The following MDGA2 variants were observed in gnomAD, a reference collection of about 807,000 sequenced individuals.
MDGA2 encodes the protein MAM domain-containing glycosylphosphatidylinositol anchor protein 2.
MDGA2 carries 40 observed loss-of-function variants against 117.8 expected under a neutral mutation model. That is an observed-to-expected ratio of 0.34 (90% CI 0.26 to 0.44). The LOEUF (loss-of-function observed/expected upper bound fraction) is 0.44. MDGA2 is among the 20% of genes least tolerant of loss of function. The probability of loss-of-function intolerance (pLI) is 1.00; values close to 1 mark genes in which losing one functional copy is unlikely to be tolerated. For synonymous variants in MDGA2, 452 were observed against 439.0 expected (o/e 1.03, Z -0.37); for missense variants, 1,123 against 1,250.6 (o/e 0.90, Z 1.54).
intron 1 of MDGA2, among the ~76,000 whole-genome samples, chr14:47,387,417 T>C (rs1366552679): frequency 6.6e-6 from 1 of 151,940 alleles, no homozygotes; most frequent in Admixed American, 6.6e-5. Flanking sequence ...CGGATCTTTG[T>C]GGGGAATACA....
intron 3 of MDGA2, among the ~76,000 whole-genome samples, chr14:47,196,160 A>T (rs1206768537): frequency 6.6e-6 from 1 of 152,096 alleles, no homozygotes; most frequent in East Asian, 1.9e-4. Context: ...GTTTTCAGGG[A>T]AAATGGAACT....
intron 1 of MDGA2, among the ~76,000 whole-genome samples, chr14:47,611,711 A>G (rs1896851798): frequency 6.6e-6 from 1 of 152,080 alleles, no homozygotes; most frequent in Non-Finnish European, 1.5e-5. Context: ...AACAGTAGGC[A>G]TTCAGTTCTG....
chr14:47,610,137 C>T (rs1896820890), intron 1 of MDGA2, among the ~76,000 whole-genome samples: 1 of 152,040 alleles, frequency 6.6e-6, no homozygotes, highest in Admixed American at 6.6e-5. Flanking sequence ...GATTAAAACT[C>T]TCAGCAAAAT....
At chr14:47,300,117 A>G (rs1431097278) in intron 2 of MDGA2, among the ~76,000 whole-genome samples, 2 of 152,226 alleles carry the variant, frequency 1.3e-5, no homozygotes, top group Non-Finnish European at 2.9e-5. Flanking sequence ...AGGATCCGTC[A>G]GTAAGAGTTA....
intron 1 of MDGA2, among the ~76,000 whole-genome samples, chr14:47,614,181 C>T (rs1896907358): frequency 6.7e-6 from 1 of 149,808 alleles, no homozygotes; most frequent in Admixed American, 6.7e-5. Context: ...CCTCTGCCTC[C>T]TGGGTTCAGA....
chr14:47,343,519 GCTT>G (rs766270166), intron 1 of MDGA2, among the ~76,000 whole-genome samples: 3 of 151,832 alleles, frequency 2.0e-5, no homozygotes, highest in Non-Finnish European at 4.4e-5. Context: ...TTTCACGATG[GCTT>G]CTTTTTAGCT....
intron 1 of MDGA2, among the ~76,000 whole-genome samples, chr14:47,647,731 T>C (rs1216217458): frequency 1.3e-5 from 2 of 151,570 alleles, no homozygotes; most frequent in Non-Finnish European, 3.0e-5. Context: ...ATGTCCAAAA[T>C]ATATGTGTTT....
Position 47,581,755 on chromosome 14 carries a change from G to A in MDGA2, c.280+92762C>T, listed in dbSNP as rs58970225. On this transcript the variant is annotated intron_variant, in intron 1 of 16. Coordinates refer to ENST00000399232, the MANE Select transcript of MDGA2 (RefSeq NM_001113498.3). Reference sequence around the variant, plus strand: ...ATGGTCCCAAAATGAAAACACAGGCGCAACAACCTGAATTTATGCAGGAAA... The same window carrying A: ...ATGGTCCCAAAATGAAAACACAGGCACAACAACCTGAATTTATGCAGGAAA... Among the ~76,000 whole-genome samples the A allele has an allele frequency of 1.4e-4, 22 of 151,974 alleles. No individual in the cohort carries two copies. The East Asian group carries it at 3.7e-3, about 25-fold the overall frequency.
Position 47,618,322 on chromosome 14 carries a change from A to G in MDGA2, c.280+56195T>C, listed in dbSNP as rs148042993. ...TCAGAATGAAAGATAAGTGAATTCT[A>G]TGAAAGTTGGTAGGCATTGTACCTC... is the stretch of plus-strand genomic sequence containing the variant. On this transcript the variant is annotated intron_variant, in intron 1 of 16. Coordinates refer to ENST00000399232, the MANE Select transcript of MDGA2 (RefSeq NM_001113498.3). 6.4e-4 allele frequency among the ~76,000 whole-genome samples: 98 copies of G among 152,334 alleles called. 4 individuals carry two copies. The highest frequency in any genetic ancestry group is 1.8e-3 in the African/African-American group (75 of 41,574).
intron 8 of MDGA2, among the ~76,000 whole-genome samples, chr14:47,015,207 T>C (rs1888038853): frequency 6.6e-6 from 1 of 151,836 alleles, no homozygotes; most frequent in Non-Finnish European, 1.5e-5. Flanking sequence ...AATAATAATG[T>C]CTAAGATCAC....
At chr14:46,863,004 T>A (rs1180347497) in intron 14 of MDGA2, among the ~76,000 whole-genome samples, 1 of 152,082 alleles carries the variant, frequency 6.6e-6, no homozygotes, top group African/African-American at 2.4e-5. Context: ...GTTTTTAAAT[T>A]ATAGCTTTCC....
chr14:47,016,984 T>A (rs2138563973), intron 8 of MDGA2, among the ~76,000 whole-genome samples: 1 of 152,118 alleles, frequency 6.6e-6, no homozygotes, highest in East Asian at 1.9e-4. Context: ...TTTGTTGTGT[T>A]TCCAGCTTGC....
intron 1 of MDGA2, among the ~76,000 whole-genome samples, chr14:47,325,837 T>C (rs902977687): frequency 6.6e-6 from 1 of 152,066 alleles, no homozygotes; most frequent in Admixed American, 6.6e-5. Flanking sequence ...CAGAGAGCCA[T>C]AGTTGGTTTT....
At chr14:47,382,924 A>C (rs1891669679) in intron 1 of MDGA2, among the ~76,000 whole-genome samples, 1 of 152,242 alleles carries the variant, frequency 6.6e-6, no homozygotes, top group South Asian at 2.1e-4. Context: ...TTGTGGCACT[A>C]TTCACAACAA....
intron 1 of MDGA2, among the ~76,000 whole-genome samples, chr14:47,622,381 A>C (rs1322744372): frequency 6.6e-6 from 1 of 152,200 alleles, no homozygotes; most frequent in Admixed American, 6.5e-5. Context: ...GAGTTAGAGA[A>C]ATCATGAAAA....
At chr14:47,162,109 C>A (rs1237366792) in intron 3 of MDGA2, among the ~76,000 whole-genome samples, 2 of 151,792 alleles carry the variant, frequency 1.3e-5, no homozygotes, top group African/African-American at 4.8e-5. Flanking sequence ...CCACGCCCAG[C>A]TAGTTTTTTG....
chr14:46,998,777 T>C (rs1387628788), intron 8 of MDGA2, among the ~76,000 whole-genome samples: 2 of 152,142 alleles, frequency 1.3e-5, no homozygotes, highest in African/African-American at 2.4e-5. Context: ...TGTGTATGAT[T>C]TTATTTATAT....
intron 1 of MDGA2, among the ~76,000 whole-genome samples, chr14:47,536,823 T>C (rs2138744539): frequency 6.6e-6 from 1 of 152,338 alleles, no homozygotes; most frequent in East Asian, 1.9e-4. Context: ...AAACAGGAAA[T>C]GGGTTAAATA....
intron 1 of MDGA2, among the ~76,000 whole-genome samples, chr14:47,410,818 ACT>A (rs1566773622): frequency 6.6e-6 from 1 of 152,216 alleles, no homozygotes; most frequent in Non-Finnish European, 1.5e-5. Context: ...TATCAAATTT[ACT>A]TTTTTACTAA....
Sources: gnomAD v4.1 joint callset for allele counts (sites outside exome capture counted in the v4.1 genomes callset) on GRCh38, gnomAD v4.1.1 for gene constraint, MANE v1.5 for transcripts, NCBI Gene and HGNC (gene_info 2026-07-23, HGNC 2026-07-21) for gene names.